Variants in STX8 observed in about 807,000 individuals in gnomAD.
STX8 encodes syntaxin 8, also known as syntaxin-8.
STX8 carries 23 observed loss-of-function variants against 37.5 expected under a neutral mutation model. That is an observed-to-expected ratio of 0.61 (90% CI 0.44 to 0.87). The LOEUF (loss-of-function observed/expected upper bound fraction) is 0.87. STX8 is among the 40% of genes least tolerant of loss of function. The pLI, the probability that STX8 is intolerant of heterozygous loss-of-function variation, is 0.00. For synonymous variants in STX8, 115 were observed against 99.1 expected, an observed-to-expected ratio of 1.16 and a Z score of -0.95; for missense variants, 313 against 284.7, an observed-to-expected ratio of 1.10 and a Z score of -0.71.
rs1179547453 is a variant in STX8, at chr17:9,430,840, G to A, written c.542-52187C>T. Among the ~76,000 whole-genome samples, 7 of 152,006 alleles carry A rather than the reference G, an allele frequency of 4.6e-5. No homozygotes were observed. The East Asian group carries it at 1.2e-3, about 25-fold the overall frequency. On this transcript the variant is annotated intron_variant, in intron 6 of 7. Coordinates refer to ENST00000306357, the MANE Select transcript of STX8 (RefSeq NM_004853.3). ...AATTTTTTGTATTTTTAGTAGAGAC[G>A]GGATTTCACCATGTTAGCCAGGATG...
At chr17:9,311,702 A>T (rs1488880828) in intron 7 of STX8, among the ~76,000 whole-genome samples, 1 of 152,206 alleles carries the variant, frequency 6.6e-6, no homozygotes, top group Non-Finnish European at 1.5e-5. Flanking sequence ...TCTGTGCTTC[A>T]GTTTCTTCAT....
At chr17:9,296,500 C>CAAAAAAAA (rs55811417) in intron 7 of STX8, among the ~76,000 whole-genome samples, 4 of 123,216 alleles carry the variant, frequency 3.2e-5, no homozygotes, top group Admixed American at 1.7e-4. Context: ...CTCCATCTCT[C>CAAAAAAAA]AAAAAAAAAA....
chr17:9,288,374 T>C (rs1908169872), intron 7 of STX8, among the ~76,000 whole-genome samples: 1 of 151,912 alleles, frequency 6.6e-6, no homozygotes, highest in Non-Finnish European at 1.5e-5. Context: ...ATAAAGAATT[T>C]CAATGGGCCG....
chr17:9,439,769 C>T (rs1054195429), intron 6 of STX8, among the ~76,000 whole-genome samples: 2 of 152,062 alleles, frequency 1.3e-5, no homozygotes, highest in African/African-American at 2.4e-5. Flanking sequence ...GCTGGGATTA[C>T]AGGCGTGAGT....
intron 5 of STX8, among the ~76,000 whole-genome samples, 185 bp from the exon 6 acceptor site, chr17:9,492,106 G>A (rs1433700306): frequency 2.0e-5 from 3 of 151,948 alleles, no homozygotes; most frequent in African/African-American, 4.8e-5. Context: ...AAACTAAAAC[G>A]ATTTCCAAAA....
At chr17:9,425,376 A>G (rs1913590436) in intron 6 of STX8, among the ~76,000 whole-genome samples, 1 of 152,198 alleles carries the variant, frequency 6.6e-6, no homozygotes, top group African/African-American at 2.4e-5. Flanking sequence ...ATAATACATG[A>G]TGATTTATTT....
intron 7 of STX8, among the ~76,000 whole-genome samples, chr17:9,274,998 G>A (rs1293377516): frequency 2.0e-5 from 3 of 151,876 alleles, no homozygotes; most frequent in Non-Finnish European, 4.4e-5. Context: ...TAATCCGCCC[G>A]CCTTGGCCTC....
At chr17:9,509,838 TA>T (rs35517248) in intron 4 of STX8, among the ~76,000 whole-genome samples, 127,684 of 144,618 alleles carry the variant, frequency 0.88, 57,611 homozygotes, top group South Asian at 0.99. Context: ...ATAACTAGAT[TA>T]AAAAAAAAAA....
intron 7 of STX8, among the ~76,000 whole-genome samples, chr17:9,345,808 A>T (rs2142237851): frequency 7.8e-6 from 1 of 127,896 alleles, no homozygotes; most frequent in East Asian, 2.6e-4. Flanking sequence ...CGAACTTTGG[A>T]TATTGGAATA....
At chr17:9,260,315 C>A (rs927505426) in intron 7 of STX8, among the ~76,000 whole-genome samples, 1 of 149,662 alleles carries the variant, frequency 6.7e-6, no homozygotes, top group African/African-American at 2.5e-5. Flanking sequence ...AGAGTGAGAC[C>A]CTGTCTCTTA....
At chr17:9,541,002 G>A (rs1379867) in intron 4 of STX8, among the ~76,000 whole-genome samples, 61,324 of 151,934 alleles carry the variant, frequency 0.4, 13,370 homozygotes, top group African/African-American at 0.57. Context: ...TCAGCCTTAT[G>A]GGCATGAAGA....
chr17:9,533,656 G>A (rs1198040770), intron 4 of STX8, among the ~76,000 whole-genome samples: 1 of 152,108 alleles, frequency 6.6e-6, no homozygotes, highest in Non-Finnish European at 1.5e-5. Flanking sequence ...AACTCTCTGG[G>A]ATTTCAATAA....
At chr17:9,529,754 T>C (rs759602184) in intron 4 of STX8, among the ~76,000 whole-genome samples, 8 of 152,210 alleles carry the variant, frequency 5.3e-5, no homozygotes, top group Non-Finnish European at 1.2e-4. Flanking sequence ...TGTGACATCA[T>C]TGTATGAATA....
chr17:9,480,702 A>G (rs1373038492), intron 6 of STX8, among the ~76,000 whole-genome samples: 1 of 152,166 alleles, frequency 6.6e-6, no homozygotes, highest in African/African-American at 2.4e-5. Context: ...CAGACTTGAG[A>G]AGCCACTCCA....
At chr17:9,387,629 C>G (rs1912062065) in intron 6 of STX8, among the ~76,000 whole-genome samples, 1 of 152,168 alleles carries the variant, frequency 6.6e-6, no homozygotes, top group Non-Finnish European at 1.5e-5. Flanking sequence ...GCCTCATTCT[C>G]TATCAAGACA....
chr17:9,444,457 TC>T (rs1348536476), intron 6 of STX8, among the ~76,000 whole-genome samples: 7 of 152,212 alleles, frequency 4.6e-5, no homozygotes, highest in Admixed American at 2.0e-4. Context: ...TGGAATTATT[TC>T]CAGTTTAGAT....
intron 7 of STX8, among the ~76,000 whole-genome samples, chr17:9,358,051 A>G (rs1235466755): frequency 6.6e-6 from 1 of 152,194 alleles, no homozygotes; most frequent in Non-Finnish European, 1.5e-5. Flanking sequence ...CCAAGTTGGG[A>G]GAAGGCTGCT....
At chr17:9,558,976 T>C (rs1907101015) in intron 2 of STX8, among the ~76,000 whole-genome samples, 1 of 152,154 alleles carries the variant, frequency 6.6e-6, no homozygotes, top group South Asian at 2.1e-4. Flanking sequence ...CTCAAATCTC[T>C]ATTTGTTCAC....
chr17:9,427,786 T>C (rs7208243), intron 6 of STX8, among the ~76,000 whole-genome samples: 86,389 of 151,964 alleles, frequency 0.57, 26,371 homozygotes, highest in African/African-American at 0.79. Flanking sequence ...CGGGTGCCTG[T>C]CCTGGAGAGA....
Sources: gnomAD v4.1 joint callset for allele counts (sites outside exome capture counted in the v4.1 genomes callset) on GRCh38, gnomAD v4.1.1 for gene constraint, MANE v1.5 for transcripts, NCBI Gene and HGNC (gene_info 2026-07-23, HGNC 2026-07-21) for gene names.